TMEM132D: variants seen among roughly 807,000 people sequenced by gnomAD.
TMEM132D encodes the protein transmembrane protein 132D.
In TMEM132D, 21 loss-of-function variants were observed where a neutral mutation model predicts 62.3. The observed-to-expected ratio is 0.34, with a 90% CI of 0.24 to 0.49. The LOEUF is 0.49. Among genes scored for constraint, TMEM132D ranks in the 20% least tolerant of loss-of-function variants. The pLI is 0.99. For synonymous variants in TMEM132D, 621 were observed against 575.6 expected (o/e 1.08, Z -1.13); for missense variants, 1,346 against 1,402.8 (o/e 0.96, Z 0.65).
intron 5 of TMEM132D, among the ~76,000 whole-genome samples, chr12:129,134,152 GTC>G (rs1361865884): frequency 1.3e-5 from 2 of 149,914 alleles, no homozygotes; most frequent in Admixed American, 6.6e-5. Flanking sequence ...GTGTGTCTGT[GTC>G]TGTGTGTGTG....
rs189344188 is a variant in TMEM132D at position 129,616,633 on chromosome 12, C to T, written c.968+83177G>A. ...CAAGATCTGATGGTTTCATAAGGGA[C>T]TTTTCCCTCTTTTGTTCGGCACTTC... On this transcript the variant is annotated intron_variant, in intron 2 of 8. Coordinates refer to ENST00000422113, the MANE Select transcript of TMEM132D (RefSeq NM_133448.3). Among the ~76,000 whole-genome samples, 54 of 152,266 alleles carry T rather than the reference C, an allele frequency of 3.5e-4. 1 individual carries two copies. Among genetic ancestry groups the T allele is most frequent in the African/African-American group, 1.3e-3 (53 of 41,556 alleles).
chr12:129,895,815 T>C (rs1247561189), intron 1 of TMEM132D, among the ~76,000 whole-genome samples: 2 of 117,858 alleles, frequency 1.7e-5, no homozygotes, highest in East Asian at 2.2e-4. Flanking sequence ...CCCTTTCCCC[T>C]AGTAAAAAAA....
chr12:129,765,339 G>T (rs989244493), intron 1 of TMEM132D, among the ~76,000 whole-genome samples: 1 of 152,110 alleles, frequency 6.6e-6, no homozygotes, highest in Non-Finnish European at 1.5e-5. Flanking sequence ...GGCCAAGGGA[G>T]GCAGATCACC....
In TMEM132D at chr12:129,827,996, T is replaced by C. The variant is rs1415439297; in HGVS notation, c.79+75265A>G. On this transcript the variant is annotated intron_variant, in intron 1 of 8. Transcript: ENST00000422113. The surrounding 1 kb of genome is among the most constrained non-coding windows in gnomAD (Gnocchi z 9.7). ...AATTTATTCTAAGTAAAATGAAGTG[T>C]GCCCTAAAGACAGACTCTGTAAATG... Among the ~76,000 whole-genome samples the C allele has an allele frequency of 6.6e-6, 1 of 152,176 alleles. No individual in the cohort carries two copies. The highest frequency in any genetic ancestry group is 1.9e-4 in the East Asian group (1 of 5,204).
chr12:129,459,316 A>G (rs1383633448), intron 3 of TMEM132D, among the ~76,000 whole-genome samples: 3 of 152,214 alleles, frequency 2.0e-5, no homozygotes, highest in African/African-American at 7.2e-5. Context: ...CTCTTCTGCG[A>G]TGATTTCTTT....
At chr12:129,894,142 C>T (rs1400521443) in intron 1 of TMEM132D, among the ~76,000 whole-genome samples, 1 of 152,220 alleles carries the variant, frequency 6.6e-6, no homozygotes, top group Non-Finnish European at 1.5e-5. Flanking sequence ...ACTGATAGTT[C>T]CACATGGCTG....
chr12:129,658,001 C>G (rs1880137456), intron 2 of TMEM132D, among the ~76,000 whole-genome samples: 1 of 152,172 alleles, frequency 6.6e-6, no homozygotes, highest in African/African-American at 2.4e-5. Context: ...AACTTATCTT[C>G]CAGCAGCTTG....
chr12:129,312,459 A>G (rs1881998455), intron 4 of TMEM132D, among the ~76,000 whole-genome samples: 2 of 152,262 alleles, frequency 1.3e-5, no homozygotes, highest in South Asian at 4.1e-4. Flanking sequence ...GCTGAATCTG[A>G]ATGAGAGGAC....
Position 129,607,064 on chromosome 12 carries a change from TTTCTTTC to T in TMEM132D, c.969-75866_969-75860del, listed in dbSNP as rs543519518. On this transcript the variant is annotated intron_variant, in intron 2 of 8. Transcript: ENST00000422113. ...TGCTTAGTTTCTTTTTCTTTCTTTC[TTTCTTTC>T]TTTTTTTTTTTTGAATAGTCACTCT... Among the ~76,000 whole-genome samples the T allele has an allele frequency of 2.1e-3, 311 of 147,136 alleles. 8 individuals carry two copies. In the South Asian group the frequency reaches 0.066, roughly 31 times the overall value.
chr12:129,701,328 G>GT (rs1424983455), intron 1 of TMEM132D, among the ~76,000 whole-genome samples: 1 of 152,226 alleles, frequency 6.6e-6, no homozygotes, highest in Non-Finnish European at 1.5e-5. Flanking sequence ...CCCAGTTGGA[G>GT]TTAAGGGGAG....
At chr12:129,364,494 T>C (rs142442368) in intron 3 of TMEM132D, among the ~76,000 whole-genome samples, 1 of 152,350 alleles carries the variant, frequency 6.6e-6, no homozygotes, top group African/African-American at 2.4e-5. Context: ...GTAGAGGGAT[T>C]TGGGGAGACG....
intron 1 of TMEM132D, among the ~76,000 whole-genome samples, chr12:129,757,387 T>C (rs1165936826): frequency 1.3e-5 from 2 of 152,162 alleles, no homozygotes; most frequent in African/African-American, 4.8e-5. Flanking sequence ...GCCAATTTTG[T>C]TTTTCTGACT....
chr12:129,473,748 C>T (rs1403994681), intron 3 of TMEM132D, among the ~76,000 whole-genome samples: 1 of 152,168 alleles, frequency 6.6e-6, no homozygotes, highest in Non-Finnish European at 1.5e-5. Flanking sequence ...GAAAACCACA[C>T]ACAAAAAATT....
rs541315144 is a variant in TMEM132D at position 129,614,692 on chromosome 12, C to T, written c.969-83487G>A. On this transcript the variant is annotated intron_variant, in intron 2 of 8. Coordinates refer to ENST00000422113, the MANE Select transcript of TMEM132D (RefSeq NM_133448.3). ...AAGAAATGAGTGAAACCAGGCTGGG[C>T]GGGGACTGTGGAAAACGAAGACCCA... 3.2e-4 allele frequency among the ~76,000 whole-genome samples: 48 copies of T among 152,184 alleles called. 1 individual carries two copies. The highest frequency in any genetic ancestry group is 9.8e-4 in the Admixed American group (15 of 15,282).
intron 2 of TMEM132D, among the ~76,000 whole-genome samples, chr12:129,619,118 G>A (rs1274704605): frequency 6.6e-6 from 1 of 152,138 alleles, no homozygotes; most frequent in Non-Finnish European, 1.5e-5. Flanking sequence ...CAGACTTAAG[G>A]TCAGAGTTGA....
At chr12:129,518,791 C>A (rs557083423) in intron 3 of TMEM132D, among the ~76,000 whole-genome samples, 1 of 152,036 alleles carries the variant, frequency 6.6e-6, no homozygotes, top group Non-Finnish European at 1.5e-5. Flanking sequence ...GTATTCCTAG[C>A]ACTTAAGGAT....
chr12:129,261,312 A>G (rs2135595511), intron 4 of TMEM132D, among the ~76,000 whole-genome samples: 1 of 152,292 alleles, frequency 6.6e-6, no homozygotes, highest in South Asian at 2.1e-4. Context: ...GAAGTAATTG[A>G]ATCATGGGGG....
chr12:129,346,126 G>T (rs982319347), intron 3 of TMEM132D, among the ~76,000 whole-genome samples: 1 of 152,036 alleles, frequency 6.6e-6, no homozygotes, highest in East Asian at 1.9e-4. Flanking sequence ...ACTTGTTATT[G>T]GTCTATTCAG....
At chr12:129,872,970 A>G (rs777247818) in intron 1 of TMEM132D, among the ~76,000 whole-genome samples, 1 of 152,182 alleles carries the variant, frequency 6.6e-6, no homozygotes, top group Non-Finnish European at 1.5e-5. Flanking sequence ...TTCCCTTGTG[A>G]AAAAAATGAT....
Sources: gnomAD v4.1 joint callset for allele counts (sites outside exome capture counted in the v4.1 genomes callset) on GRCh38, gnomAD v4.1.1 for gene constraint, Gnocchi (gnomAD v3.1) non-coding constraint, MANE v1.5 for transcripts, NCBI Gene and HGNC (gene_info 2026-07-23, HGNC 2026-07-21) for gene names.